The following LRGUK variants were observed in gnomAD, a reference collection of about 807,000 sequenced individuals.
The protein encoded by LRGUK is leucine-rich repeat and guanylate kinase domain-containing protein.
LRGUK carries 65 observed loss-of-function variants against 76.0 expected under a neutral mutation model. The observed-to-expected ratio is 0.85, with a 90% CI of 0.70 to 1.05. LRGUK has a LOEUF of 1.05. LRGUK is among the 50% of genes least tolerant of loss of function. The probability of loss-of-function intolerance (pLI) is 0.00; values close to 1 mark genes in which losing one functional copy is unlikely to be tolerated. For missense variants in LRGUK, 758 were observed against 732.8 expected, an observed-to-expected ratio of 1.03 and a Z score of -0.40; for synonymous variants, 268 against 265.6, an observed-to-expected ratio of 1.01 and a Z score of -0.09.
intron 1 of LRGUK, among the ~76,000 whole-genome samples, chr7:134,129,106 C>T (rs932273493): frequency 3.4e-5 from 5 of 148,216 alleles, no homozygotes; most frequent in Admixed American, 6.7e-5. Context: ...CCCTTCCTTC[C>T]TGCCTTCCCC....
chr7:134,147,705 G>A (rs1798034210), intron 4 of LRGUK, among the ~76,000 whole-genome samples: 1 of 152,136 alleles, frequency 6.6e-6, no homozygotes, highest in Non-Finnish European at 1.5e-5. Flanking sequence ...AGGTTCCTGT[G>A]CACCATGGGG....
At chr7:134,266,603 G>C (rs1321213515), downstream of LRGUK, among the ~76,000 whole-genome samples, 1 of 152,164 alleles carries the variant, frequency 6.6e-6, no homozygotes, top group Admixed American at 6.5e-5. Context: ...TACCCAATCT[G>C]ACCAACAGAG....
chr7:134,183,073 TC>T (rs1291248453), intron 10 of LRGUK, among the ~76,000 whole-genome samples: 1 of 152,220 alleles, frequency 6.6e-6, no homozygotes, highest in Admixed American at 6.5e-5. Flanking sequence ...ATTTTATTAA[TC>T]AATTCATTCT....
intron 15 of LRGUK, among the ~76,000 whole-genome samples, chr7:134,206,123 G>A (rs1395124325): frequency 1.3e-5 from 2 of 152,140 alleles, no homozygotes; most frequent in Non-Finnish European, 2.9e-5. Flanking sequence ...TTTCACTAAT[G>A]GGTGGATTAA....
chr7:134,130,294 C>G (rs561392120), intron 1 of LRGUK, among the ~76,000 whole-genome samples: 13 of 152,106 alleles, frequency 8.5e-5, no homozygotes, highest in South Asian at 4.1e-4. Flanking sequence ...GCTTCCCCCC[C>G]CCCCCAGAGG....
intron 18 of LRGUK, among the ~76,000 whole-genome samples, chr7:134,255,532 T>G (rs1802558407): frequency 6.6e-6 from 1 of 152,214 alleles, no homozygotes; most frequent in South Asian, 2.1e-4. Context: ...TGAAAGACAA[T>G]TAGTTCAGAC....
chr7:134,227,786 C>T (rs1020976002), intron 16 of LRGUK, among the ~76,000 whole-genome samples: 1 of 151,840 alleles, frequency 6.6e-6, no homozygotes. Flanking sequence ...TTAGACACAG[C>T]TAAAGAGAGA....
At position 134,203,372 on chromosome 7, in the gene LRGUK, C is replaced by T. The variant is rs145376424; in HGVS notation, c.1843+1796C>T. Among the ~76,000 whole-genome samples, 232 of 152,232 alleles carry T rather than the reference C, an allele frequency of 1.5e-3. 1 individual carries two copies. Among genetic ancestry groups the T allele is most frequent in the East Asian group, 0.012 (64 of 5,182 alleles). On this transcript the variant is annotated intron_variant, in intron 15 of 15. Coordinates refer to ENST00000645682, the Ensembl canonical transcript of LRGUK. ...AAGTATGTTCAGCTTTGTGTTTTAGCGGTTGTGACTTTTTGCCCAAATAGG... is the reference window on the plus strand; with the variant it reads ...AAGTATGTTCAGCTTTGTGTTTTAGTGGTTGTGACTTTTTGCCCAAATAGG...
chr7:134,186,210 G>A (rs559723483), intron 11 of LRGUK, among the ~76,000 whole-genome samples: 2 of 152,286 alleles, frequency 1.3e-5, no homozygotes, highest in East Asian at 3.9e-4. Flanking sequence ...ATACTTTGTT[G>A]GATATGTTTT....
intron 15 of LRGUK, among the ~76,000 whole-genome samples, chr7:134,203,161 C>T (rs1002347113): frequency 1.3e-5 from 2 of 152,012 alleles, no homozygotes; most frequent in African/African-American, 4.8e-5. Context: ...CAAGATTGCA[C>T]CACTGCACTC....
intron 7 of LRGUK, among the ~76,000 whole-genome samples, chr7:134,169,494 T>C (rs1799156295): frequency 6.6e-6 from 1 of 152,204 alleles, no homozygotes; most frequent in Non-Finnish European, 1.5e-5. Flanking sequence ...GAGGATGAGG[T>C]CTGAAAGTTA....
exon 13 of LRGUK, chr7:134,197,078 G>A: frequency 6.2e-7 from 1 of 1,609,212 alleles, no homozygotes; most frequent in Non-Finnish European, 8.5e-7. Flanking sequence ...GAGATGGTTT[G>A]GCAAGCTGTA....
In LRGUK at chr7:134,259,141, C is replaced by T. The variant is rs1802658370; in HGVS notation, c.2347+736C>T. ...GGCTTTAGGCTTGAAGGATCTGGCC[C>T]AGCCCCGCTTCACCTCCTTTTTGCC... On this transcript the variant is annotated intron_variant, in intron 19 of 19. Transcript: ENST00000285928. Among the ~76,000 whole-genome samples the T allele has an allele frequency of 2.0e-5, 3 of 152,154 alleles. No homozygotes were observed. The South Asian group carries it at 6.2e-4, about 32-fold the overall frequency.
intron 16 of LRGUK, among the ~76,000 whole-genome samples, chr7:134,232,568 G>A (rs901283310): frequency 8.5e-5 from 13 of 152,206 alleles, no homozygotes; most frequent in South Asian, 6.2e-4. Flanking sequence ...ATAAGCCACC[G>A]CACCAGGCCC....
At chr7:134,164,606 A>C (rs1798893218) in intron 7 of LRGUK, among the ~76,000 whole-genome samples, 1 of 152,164 alleles carries the variant, frequency 6.6e-6, no homozygotes, top group Non-Finnish European at 1.5e-5. Flanking sequence ...TTTCATAAGG[A>C]AGTTCAATGT....
chr7:134,221,660 C>T (rs1047710543), intron 15 of LRGUK, 119 bp from the exon 16 acceptor site: 19 of 618,942 alleles, frequency 3.1e-5, no homozygotes, highest in Middle Eastern at 3.6e-4. Flanking sequence ...AGTTGAAATG[C>T]GCACATTTTA....
chr7:134,175,928 G>C (rs1017831708), intron 8 of LRGUK, among the ~76,000 whole-genome samples: 20 of 151,876 alleles, frequency 1.3e-4, no homozygotes, highest in African/African-American at 4.8e-4. Context: ...ACGAAATATT[G>C]CATATAAATA....
intron 15 of LRGUK, among the ~76,000 whole-genome samples, chr7:134,207,887 C>T (rs554618255): frequency 1.2e-4 from 19 of 152,278 alleles, no homozygotes; most frequent in African/African-American, 4.3e-4. Flanking sequence ...AGTGAACAAG[C>T]GCTCACTGAA....
intron 6 of LRGUK, among the ~76,000 whole-genome samples, chr7:134,162,848 AAAAG>A (rs946397233): frequency 1.3e-5 from 2 of 151,084 alleles, no homozygotes; most frequent in African/African-American, 4.9e-5. Flanking sequence ...AAAAAAAAAA[AAAAG>A]AGTGGACAGA....
Sources: allele counts gnomAD v4.1 joint callset (sites outside exome capture counted in the v4.1 genomes callset), GRCh38; gene constraint gnomAD v4.1.1; transcripts MANE v1.5; gene names NCBI Gene and HGNC (gene_info 2026-07-23, HGNC 2026-07-21).